The following TMEM163 variants were observed in gnomAD, a reference collection of about 807,000 sequenced individuals.
TMEM163 encodes the protein transmembrane protein 163.
A neutral mutation model predicts 29.3 loss-of-function variants in TMEM163; 17 were observed. That is an observed-to-expected ratio of 0.58 (90% CI 0.40 to 0.87). TMEM163 has a LOEUF of 0.87. Among genes scored for constraint, TMEM163 ranks in the 40% least tolerant of loss-of-function variants. The pLI, the probability that TMEM163 is intolerant of heterozygous loss-of-function variation, is 0.00. For synonymous variants in TMEM163, 157 were observed against 160.6 expected (o/e 0.98, Z 0.17); for missense variants, 303 against 381.5 (o/e 0.79, Z 1.71).
At chr2:134,463,030 T>C (rs1686584381) in intron 6 of TMEM163, among the ~76,000 whole-genome samples, 2 of 152,246 alleles carry the variant, frequency 1.3e-5, no homozygotes, top group South Asian at 2.1e-4. Context: ...CTGCCTGCTA[T>C]GGACTCACCA....
At chr2:134,493,688 A>G (rs1462155430) in intron 5 of TMEM163, among the ~76,000 whole-genome samples, 2 of 152,116 alleles carry the variant, frequency 1.3e-5, no homozygotes, top group Non-Finnish European at 2.9e-5. Flanking sequence ...TGCCATGTCT[A>G]AGAAAATTTT....
intron 4 of TMEM163, among the ~76,000 whole-genome samples, chr2:134,510,971 G>A (rs1035721213): frequency 3.9e-5 from 6 of 152,266 alleles, no homozygotes; most frequent in African/African-American, 1.2e-4. Context: ...GCGGAGACTC[G>A]TGGCCCAAGG....
chr2:134,647,723 G>C (rs1305708767), intron 2 of TMEM163, among the ~76,000 whole-genome samples: 1 of 152,206 alleles, frequency 6.6e-6, no homozygotes, highest in African/African-American at 2.4e-5. Context: ...GTGGAAACTG[G>C]AGTGCACGGG....
intron 2 of TMEM163, among the ~76,000 whole-genome samples, chr2:134,556,464 G>T (rs1046443979): frequency 6.6e-6 from 1 of 152,220 alleles, no homozygotes; most frequent in African/African-American, 2.4e-5. Context: ...GTAGGGTGAT[G>T]ATTGAGGTAT....
intron 5 of TMEM163, among the ~76,000 whole-genome samples, chr2:134,490,566 A>T (rs1558920595): frequency 6.6e-6 from 1 of 152,220 alleles, no homozygotes; most frequent in South Asian, 2.1e-4. Context: ...TGGGATGATC[A>T]GATATCCCAT....
rs780819914 is a variant in TMEM163, at chr2:134,502,935, A to G, written c.521T>C (p.Ile174Thr). The change falls in exon 5 of 8, where the codon ATC becomes ACC. Residue 174 changes from isoleucine (I) to threonine (T), a missense_variant. Ile to Thr is a moderately conservative substitution (Grantham distance 89, BLOSUM62 -1). Around this residue, in one of 2 missense-constraint regions of TMEM163, gnomAD observed 203 missense variants for 294.3 expected, o/e 0.69. Coordinates refer to ENST00000281924, the MANE Select transcript of TMEM163 (RefSeq NM_030923.5). ...GAGCAGCCTAGTTGAGAGGTCATGG[A>G]TGGCTTTGACCACTATACATATGGA... The part of the protein sequence containing the change: ...LSSICIVVKA[I>T]HDLSTRLLPE... The G allele has an allele frequency of 1.4e-5, 23 of 1,613,878 alleles. No individual in the cohort carries two copies. The highest frequency in any genetic ancestry group is 1.9e-5 in the Non-Finnish European group (22 of 1,179,926).
chr2:134,527,337 G>A (rs141807204), intron 4 of TMEM163, among the ~76,000 whole-genome samples: 1 of 152,088 alleles, frequency 6.6e-6, no homozygotes, highest in Admixed American at 6.5e-5. Flanking sequence ...GAGAGAGGAA[G>A]GAAGGGAGGA....
intron 2 of TMEM163, among the ~76,000 whole-genome samples, chr2:134,627,723 G>A (rs1195559564): frequency 1.3e-5 from 2 of 152,128 alleles, no homozygotes; most frequent in African/African-American, 4.8e-5. Context: ...TGTACTGCCT[G>A]GTCCTTTACA....
chr2:134,712,898 C>G (rs936995831), intron 2 of TMEM163, among the ~76,000 whole-genome samples: 9 of 152,134 alleles, frequency 5.9e-5, no homozygotes, highest in Non-Finnish European at 5.9e-5. Flanking sequence ...TCAGCCCAAG[C>G]TGAAGGCATC....
At chr2:134,712,831 C>A (rs1684953763) in intron 2 of TMEM163, among the ~76,000 whole-genome samples, 2 of 152,068 alleles carry the variant, frequency 1.3e-5, no homozygotes, top group Non-Finnish European at 2.9e-5. Flanking sequence ...AATATTGCAC[C>A]CATCTTCTTG....
intron 2 of TMEM163, among the ~76,000 whole-genome samples, chr2:134,642,359 A>G (rs1683240272): frequency 6.6e-6 from 1 of 152,050 alleles, no homozygotes; most frequent in Admixed American, 6.5e-5. Flanking sequence ...CGAACTCCTA[A>G]CCTCAGGTGA....
At chr2:134,682,399 T>C (rs1684265360) in intron 2 of TMEM163, among the ~76,000 whole-genome samples, 1 of 152,222 alleles carries the variant, frequency 6.6e-6, no homozygotes, top group South Asian at 2.1e-4. Context: ...CAAAGCTGTG[T>C]CTCAGTCTGC....
chr2:134,621,691 C>A (rs1238748273), intron 2 of TMEM163, among the ~76,000 whole-genome samples: 1 of 151,274 alleles, frequency 6.6e-6, no homozygotes, highest in Non-Finnish European at 1.5e-5. Context: ...GAGATCGAGA[C>A]CATCCTGGCT....
At chr2:134,570,471 TATACATATACATATACATATACATATAC>T (rs896921652) in intron 2 of TMEM163, among the ~76,000 whole-genome samples, 1 of 41,888 alleles carries the variant, frequency 2.4e-5, no homozygotes, top group African/African-American at 1.8e-4. Flanking sequence ...TACATATATA[TATACATATACATATACATATACATATAC>T]ATATACATAT....
intron 2 of TMEM163, among the ~76,000 whole-genome samples, chr2:134,564,932 G>T (rs1681264478): frequency 6.6e-6 from 1 of 152,176 alleles, no homozygotes; most frequent in South Asian, 2.1e-4. Flanking sequence ...AAAACTGGCT[G>T]CCCGTCTCTA....
At chr2:134,619,294 C>T (rs79257407) in intron 2 of TMEM163, among the ~76,000 whole-genome samples, 2,454 of 152,226 alleles carry the variant, frequency 0.016, 55 homozygotes, top group African/African-American at 0.056. Context: ...CAAAGCTAGA[C>T]GGACATCACA....
chr2:134,585,546 T>C (rs1681796022), intron 2 of TMEM163, among the ~76,000 whole-genome samples: 1 of 152,068 alleles, frequency 6.6e-6, no homozygotes. Flanking sequence ...ATAGAGACCA[T>C]CCTGGCTAAC....
chr2:134,658,081 T>G (rs934094557), intron 2 of TMEM163, among the ~76,000 whole-genome samples: 5 of 152,236 alleles, frequency 3.3e-5, no homozygotes, highest in African/African-American at 1.2e-4. Context: ...GAGTATCGAC[T>G]ATTTTATTGT....
intron 4 of TMEM163, among the ~76,000 whole-genome samples, chr2:134,516,517 C>T (rs950048949): frequency 1.8e-4 from 27 of 151,296 alleles, no homozygotes; most frequent in African/African-American, 4.6e-4. Context: ...GCTGAGATTG[C>T]GCCACTGCAC....
Sources: gnomAD v4.1 joint callset for allele counts (sites outside exome capture counted in the v4.1 genomes callset) on GRCh38, gnomAD v4.1.1 for gene constraint, gnomAD v4.1.1 regional missense constraint, MANE v1.5 for transcripts, NCBI Gene and HGNC (gene_info 2026-07-23, HGNC 2026-07-21) for gene names.